RHOBTB2: variants seen among roughly 807,000 people sequenced by gnomAD.
RHOBTB2 encodes Rho related BTB domain containing 2.
A neutral mutation model predicts 66.5 loss-of-function variants in RHOBTB2; 39 were observed. That is an observed-to-expected ratio of 0.59 (90% confidence interval 0.45 to 0.77). The LOEUF (loss-of-function observed/expected upper bound fraction) is 0.77, where lower values mean the gene tolerates loss of function less well. Ranked by LOEUF, RHOBTB2 falls within the 30% of genes least tolerant of loss-of-function variation. The pLI is 0.00. For synonymous variants in RHOBTB2, 390 were observed against 395.0 expected, an observed-to-expected ratio of 0.99 and a Z score of 0.15; for missense variants, 755 against 999.1, an observed-to-expected ratio of 0.76 and a Z score of 3.29.
the RHOBTB2 span, among the ~76,000 whole-genome samples, chr8:22,952,357 C>A: frequency 6.6e-6 from 1 of 152,112 alleles, no homozygotes; most frequent in Admixed American, 6.5e-5. Flanking sequence ...GCATGCATGC[C>A]AAGTCCCCCT....
Position 23,006,980 on chromosome 8 carries a change from G to C in RHOBTB2, c.735G>C (p.Val245=). 6.2e-7 allele frequency: 1 copy of C among 1,610,530 alleles called. No individual in the cohort carries two copies. Among genetic ancestry groups the C allele is most frequent in the Admixed American group, 1.7e-5 (1 of 59,992 alleles). Residue 245 remains valine, a synonymous_variant, in exon 5 of 10, where the codon GTG becomes GTC. Transcript: ENST00000251822. This position sits in a 1 kb window ranked among gnomAD's most constrained non-coding sequence, Gnocchi z 6.1. ...AGCCACCGCCCCCGATCATCGTGGTGCCCGACCCTCCCTCCAGCAGCGAGG... is the reference window on the plus strand; with the variant it reads ...AGCCACCGCCCCCGATCATCGTGGTCCCCGACCCTCCCTCCAGCAGCGAGG... ...PPKPPPPIIV[V]PDPPSSSEEC... is the part of the protein sequence containing the mutation.
chr8:23,007,602 G>C lies in RHOBTB2; in HGVS notation c.1357G>C (p.Glu453Gln). The C allele has an allele frequency of 6.2e-7, 1 of 1,614,208 alleles. No homozygotes were observed. The highest frequency in any genetic ancestry group is 8.5e-7 in the Non-Finnish European group (1 of 1,180,040). ...CCTCATGCACATTGCCCACATTGCT[G>C]AGCTGCTCGAGGTCTTTGATCTGCG... ...RDLMHIAHIAELLEVFDLRMM... is the reference protein window; with the variant it reads ...RDLMHIAHIAQLLEVFDLRMM... The change falls in exon 5 of 10, where the codon GAG (glutamate) becomes CAG (glutamine). Residue 453 changes from glutamate (E) to glutamine (Q), a missense_variant. Transcript: ENST00000251822.
chr8:22,960,647 A>G, the RHOBTB2 span, among the ~76,000 whole-genome samples: 1 of 152,138 alleles, frequency 6.6e-6, no homozygotes, highest in Non-Finnish European at 1.5e-5. Flanking sequence ...GGAGGGTACA[A>G]TCTTTGGCTA....
In RHOBTB2 at chr8:23,010,625, G is replaced by A. The variant is rs753044758; in HGVS notation, c.1708G>A (p.Asp570Asn). The part of the protein sequence containing the change: ...TGMFTSSPDL[D>N]DMKLIILANR... ...CATGTTCACCTCCAGCCCCGACCTG[G>A]ATGACATGAAGCTCATCATTCTAGC... Residue 570 changes from aspartate to asparagine, a missense_variant, in exon 7 of 10, where the codon GAT (aspartate) becomes AAT (asparagine). Asp to Asn is a conservative substitution (Grantham distance 23, BLOSUM62 1). Transcript: ENST00000251822. 1.9e-6 allele frequency: 3 copies of A among 1,614,158 alleles called. No homozygotes were observed. Among genetic ancestry groups the A allele is most frequent in the Non-Finnish European group, 2.5e-6 (3 of 1,180,030 alleles).
the RHOBTB2 span, among the ~76,000 whole-genome samples, chr8:22,955,011 G>C: frequency 6.6e-6 from 1 of 152,128 alleles, no homozygotes; most frequent in African/African-American, 2.4e-5. Flanking sequence ...CACGCCTGTA[G>C]TCCCAGCTAC....
At position 23,017,503 on chromosome 8, in the gene RHOBTB2, T is replaced by C; in HGVS notation, c.*34T>C. The C allele has an allele frequency of 6.4e-7, 1 of 1,555,006 alleles. No individual in the cohort carries two copies. The highest frequency in any genetic ancestry group is 8.7e-7 in the Non-Finnish European group (1 of 1,149,370). Reference sequence around the variant, plus strand: ...CACCCTCTTCTGACCCTGCTGCTGTTGTCCCCATCCGCCTTCACCCCTCTG... The same window carrying C: ...CACCCTCTTCTGACCCTGCTGCTGTCGTCCCCATCCGCCTTCACCCCTCTG... On this transcript the variant is annotated 3_prime_UTR_variant, in exon 10 of 10. Transcript: ENST00000251822. This position sits in a 1 kb window ranked among gnomAD's most constrained non-coding sequence, Gnocchi z 5.3.
Position 23,004,475 on chromosome 8 carries a change from C to T in RHOBTB2, c.41C>T (p.Thr14Ile). The T allele has an allele frequency of 6.2e-7, 1 of 1,614,236 alleles. No individual in the cohort carries two copies. The highest frequency in any genetic ancestry group is 8.5e-7 in the Non-Finnish European group (1 of 1,180,034). ...DMDYERPNVE[T>I]IKCVVVGDNA... is the part of the protein sequence containing the mutation. ...GATTATGAAAGGCCAAACGTAGAGACCATCAAGTGCGTTGTGGTGGGGGAC... is the reference window on the plus strand; with the variant it reads ...GATTATGAAAGGCCAAACGTAGAGATCATCAAGTGCGTTGTGGTGGGGGAC... Residue 14 changes from threonine to isoleucine, a missense_variant, in exon 2 of 10, where the codon ACC (threonine) becomes ATC (isoleucine). Coordinates refer to ENST00000251822, the MANE Select transcript of RHOBTB2 (RefSeq NM_015178.3). This position sits in a 1 kb window ranked among gnomAD's most constrained non-coding sequence, Gnocchi z 6.4.
rs1202444092 is a variant in RHOBTB2, at chr8:23,017,145, T to C, written c.1967-107T>C. 5 of 1,423,368 alleles carry C rather than the reference T, an allele frequency of 3.5e-6. No homozygotes were observed. Among genetic ancestry groups the C allele is most frequent in the Non-Finnish European group, 4.9e-6 (5 of 1,028,930 alleles). The allele number at this position is 1,423,368 out of a possible 1,614,324, so 88.2% of individuals were successfully genotyped here. A position where few individuals can be genotyped will look rare whatever the true frequency, so the allele number is the denominator to read the frequency against. On this transcript the variant is annotated intron_variant, in intron 9 of 9. Transcript: ENST00000251822. This position sits in a 1 kb window ranked among gnomAD's most constrained non-coding sequence, Gnocchi z 5.3. ...TGGGTCATGGGGATGTGCTGGGGGC[T>C]GGGCTGGAGGCCTGCTGCAGGCCTT... is the stretch of plus-strand genomic sequence containing the variant.
Position 23,019,921 on chromosome 8 carries a change from G to A in RHOBTB2, c.*2452G>A. The A allele has an allele frequency of 4.1e-6, 1 of 243,712 alleles. No individual in the cohort carries two copies. The allele number at this position is 243,712 out of a possible 1,614,324, so 15.1% of individuals were successfully genotyped here. A position where few individuals can be genotyped will look rare whatever the true frequency, so the allele number is the denominator to read the frequency against. ...GGAGGAGCAGGCAGGAGAGAGAGGG[G>A]AAGGAGGTATGAATCCCAGTCCCCA... On this transcript the variant is annotated 3_prime_UTR_variant, in exon 10 of 10. Transcript: ENST00000251822.
At chr8:23,014,061 A>G (rs1811220191) in intron 7 of RHOBTB2, among the ~76,000 whole-genome samples, 1 of 152,306 alleles carries the variant, frequency 6.6e-6, no homozygotes, top group African/African-American at 2.4e-5. Context: ...TGTGTGCACT[A>G]GGAATGCTCA....
intron 1 of RHOBTB2, among the ~76,000 whole-genome samples, chr8:23,000,409 G>C (rs550785315): frequency 6.6e-6 from 1 of 152,146 alleles, no homozygotes; most frequent in Non-Finnish European, 1.5e-5. Flanking sequence ...AAGGAAAAAC[G>C]GTCCAGAGTG....
At chr8:22,998,362 C>T (rs1219221743), upstream of RHOBTB2, among the ~76,000 whole-genome samples, 5 of 152,088 alleles carry the variant, frequency 3.3e-5, no homozygotes, top group Non-Finnish European at 7.4e-5. Flanking sequence ...GCAGGCTGGT[C>T]TGGGCTTTAA....
At chr8:22,977,166 A>G in the RHOBTB2 span, among the ~76,000 whole-genome samples, 1 of 152,220 alleles carries the variant, frequency 6.6e-6, no homozygotes, top group Non-Finnish European at 1.5e-5. Context: ...TAATACTTCA[A>G]TGAAGAACAA....
In RHOBTB2 at chr8:23,007,398, G is replaced by A. The variant is rs768821582; in HGVS notation, c.1153G>A (p.Val385Met). ...GTGYLPGRGRVLSSWSRAFVS... is the reference protein window; with the variant it reads ...GTGYLPGRGRMLSSWSRAFVS... ...AGGGTACCTACCGGGCAGGGGTCGT[G>A]TGCTGTCTTCCTGGAGCCGAGCTTT... The change falls in exon 5 of 10, where the codon GTG becomes ATG. Residue 385 changes from valine (V) to methionine (M), a missense_variant. Around this residue, in one of 7 missense-constraint regions of RHOBTB2, gnomAD observed 247 missense variants for 238.9 expected, o/e 1.03. Transcript: ENST00000251822. The A allele has an allele frequency of 5.0e-6, 8 of 1,614,164 alleles. No homozygotes were observed. The Admixed American group carries it at 5.0e-5, about 10-fold the overall frequency.
rs768585986 is a variant in RHOBTB2, at chr8:23,005,393, G to A, written c.214G>A (p.Val72Met). ...CQEVLERSRD[V>M]VDDVSVSLRL... Reference sequence around the variant, plus strand: ...CCAGGTGCTGGAACGCTCCCGAGACGTGGTAGATGATGTCAGCGTCTCTCT... The same window carrying A: ...CCAGGTGCTGGAACGCTCCCGAGACATGGTAGATGATGTCAGCGTCTCTCT... Residue 72 changes from valine to methionine, a missense_variant, in exon 3 of 10, where the codon GTG becomes ATG. Coordinates refer to ENST00000251822, the MANE Select transcript of RHOBTB2 (RefSeq NM_015178.3). 4 of 1,613,886 alleles carry A rather than the reference G, an allele frequency of 2.5e-6. No individual in the cohort carries two copies. Among genetic ancestry groups the A allele is most frequent in the South Asian group, 2.2e-5 (2 of 91,086 alleles).
intron 8 of RHOBTB2, among the ~76,000 whole-genome samples, chr8:23,015,103 T>G (rs1049695118): frequency 1.3e-5 from 2 of 152,144 alleles, no homozygotes; most frequent in Non-Finnish European, 2.9e-5. Flanking sequence ...ACTTTCCATC[T>G]GAAATTAACC....
rs934214142 is a variant in RHOBTB2, at chr8:23,019,095, G to A, written c.*1626G>A. ...GAGGGGCAGAGCCAGGAGGCAGTGG[G>A]GCTGTGGGCTCAGAGCTCAGGAGTC... On this transcript the variant is annotated 3_prime_UTR_variant, in exon 10 of 10. Coordinates refer to ENST00000251822, the MANE Select transcript of RHOBTB2 (RefSeq NM_015178.3). 1 of 152,380 alleles carries A rather than the reference G, an allele frequency of 6.6e-6. No individual in the cohort carries two copies. The highest frequency in any genetic ancestry group is 1.5e-5 in the Non-Finnish European group (1 of 68,156). 9.4% of individuals were successfully genotyped at this position (152,380 alleles called of 1,614,324 possible).
chr8:23,005,735 A>G (rs2430814), intron 3 of RHOBTB2, among the ~76,000 whole-genome samples: 132,297 of 152,016 alleles, frequency 0.87, 57,712 homozygotes, highest in East Asian at 0.96. Context: ...TGGTGAAAAC[A>G]GCCATTTCTA....
chr8:23,003,813 C>G (rs1810860600), intron 1 of RHOBTB2, among the ~76,000 whole-genome samples: 1 of 152,218 alleles, frequency 6.6e-6, no homozygotes, highest in Non-Finnish European at 1.5e-5. Context: ...AAAACTCTTG[C>G]ATCTCCATAA....
Sources: allele counts gnomAD v4.1 joint callset (sites outside exome capture counted in the v4.1 genomes callset), GRCh38; gene constraint gnomAD v4.1.1; regional missense constraint gnomAD v4.1.1; non-coding constraint Gnocchi (gnomAD v3.1); transcripts MANE v1.5; gene names NCBI Gene and HGNC (gene_info 2026-07-23, HGNC 2026-07-21).